Variants in FNBP4 observed in about 807,000 individuals in gnomAD.
FNBP4 encodes the protein formin binding protein 4, also known as formin-binding protein 4.
FNBP4 carries 34 observed loss-of-function variants against 119.3 expected under a neutral mutation model. The ratio of observed to expected loss-of-function variants is 0.28; its 90% CI spans 0.22 to 0.38. The LOEUF is 0.38. Among genes scored for constraint, FNBP4 ranks in the 10% least tolerant of loss-of-function variants. FNBP4 has a pLI of 1.00. For synonymous variants in FNBP4, 462 were observed against 430.6 expected (o/e 1.07, Z -0.90); for missense variants, 1,112 against 1,228.9 (o/e 0.90, Z 1.42).
chr11:47,730,050 C>T, intron 12 of FNBP4: 2 of 985,396 alleles, frequency 2.0e-6, no homozygotes, highest in Non-Finnish European at 2.4e-6. Context: ...CAGCTTAATA[C>T]TCATCTAAAG....
At position 47,732,548 on chromosome 11, in the gene FNBP4, G is replaced by A; in HGVS notation, c.1809C>T (p.Cys603=). Residue 603 remains cysteine, a synonymous_variant, in exon 11 of 17, where the codon TGC becomes TGT. Coordinates refer to ENST00000263773, the MANE Select transcript of FNBP4 (RefSeq NM_015308.5). This position sits in a 1 kb window ranked among gnomAD's most constrained non-coding sequence, Gnocchi z 4.2. The part of the protein sequence containing the change: ...EINATPKGWS[C]HWDRDHRRYF... ...AGAAGAGTGCGTACCTGTCCCAGTG[G>A]CAGGACCAGCCTTTAGGAGTGGCGT... The A allele has an allele frequency of 6.2e-7, 1 of 1,614,178 alleles. No individual in the cohort carries two copies. Among genetic ancestry groups the A allele is most frequent in the Non-Finnish European group, 8.5e-7 (1 of 1,180,034 alleles).
chr11:47,763,370 C>T (rs1002124446), intron 2 of FNBP4, among the ~76,000 whole-genome samples: 3 of 149,076 alleles, frequency 2.0e-5, no homozygotes, highest in East Asian at 2.0e-4. Context: ...CACTTCAACC[C>T]GGGAGGCAGA....
intron 2 of FNBP4, among the ~76,000 whole-genome samples, chr11:47,758,891 G>T (rs561932317): frequency 6.3e-4 from 95 of 151,530 alleles, no homozygotes; most frequent in African/African-American, 2.1e-3. Context: ...AGAGAAATTT[G>T]CAAGGACGTT....
chr11:47,750,643 C>T (rs2097600514), intron 6 of FNBP4, among the ~76,000 whole-genome samples: 2 of 116,162 alleles, frequency 1.7e-5, no homozygotes, highest in African/African-American at 3.4e-5. Context: ...CAGCTGAGAT[C>T]GCACCACTGT....
In FNBP4 at chr11:47,745,676, T is replaced by G. The variant is rs148488475; in HGVS notation, c.1245+380A>C. Among the ~76,000 whole-genome samples, 1,323 of 152,234 alleles carry G rather than the reference T, an allele frequency of 8.7e-3. 27 individuals carry two copies. Among genetic ancestry groups the G allele is most frequent in the African/African-American group, 0.03 (1,233 of 41,538 alleles). On this transcript the variant is annotated intron_variant, in intron 7 of 16. Transcript: ENST00000263773. The stretch of plus-strand genomic sequence containing the variant: ...TACACCTCCTCCCCTTTTGAAACCC[T>G]TAATAAAAAACTTGCTGGTTTGAGG...
intron 4 of FNBP4, among the ~76,000 whole-genome samples, chr11:47,752,075 T>A (rs376414029): frequency 1.6e-4 from 24 of 152,222 alleles, no homozygotes; most frequent in African/African-American, 5.8e-4. Flanking sequence ...AAAAATTACA[T>A]CCTACTAGTT....
At chr11:47,743,155 G>A (rs2097584690) in intron 8 of FNBP4, among the ~76,000 whole-genome samples, 1 of 152,062 alleles carries the variant, frequency 6.6e-6, no homozygotes, top group Non-Finnish European at 1.5e-5. Context: ...ACTCAACTAA[G>A]GTTTGGCGTC....
intron 12 of FNBP4, chr11:47,730,167 C>A (rs1599173893): frequency 1.0e-6 from 1 of 985,304 alleles, no homozygotes; most frequent in African/African-American, 1.7e-5. Flanking sequence ...GAACTACGAT[C>A]AAGCCTCTTC....
At chr11:47,743,703 G>T in intron 8 of FNBP4, 1 of 491,084 alleles carries the variant, frequency 2.0e-6, no homozygotes, top group Non-Finnish European at 3.7e-6. Flanking sequence ...AACGTAGACA[G>T]AGAGAAGAAA....
At chr11:47,752,373 C>T (rs548211099) in intron 4 of FNBP4, among the ~76,000 whole-genome samples, 10 of 149,850 alleles carry the variant, frequency 6.7e-5, no homozygotes, top group African/African-American at 2.2e-4. Flanking sequence ...TGCAGTGAGC[C>T]GAGATCGCAT....
intron 2 of FNBP4, among the ~76,000 whole-genome samples, chr11:47,760,426 G>C (rs2097631356): frequency 6.9e-6 from 1 of 144,174 alleles, no homozygotes; most frequent in Non-Finnish European, 1.5e-5. Context: ...TGTAATTTTT[G>C]TATTTTTTTG....
rs2097568139 is a variant in FNBP4, at chr11:47,732,114, G to A, written c.1820+423C>T. On this transcript the variant is annotated intron_variant, in intron 11 of 16. Transcript: ENST00000263773. The surrounding 1 kb of genome is among the most constrained non-coding windows in gnomAD (Gnocchi z 4.2). ...AATATATAAAGAAATGTTTTCATCT[G>A]ACCTGCTGGCAGAGGATAGTAATCT... is the stretch of plus-strand genomic sequence containing the variant. 2.0e-6 allele frequency: 2 copies of A among 998,396 alleles called. No individual in the cohort carries two copies. The highest frequency in any genetic ancestry group is 2.4e-6 in the Non-Finnish European group (2 of 838,712). The allele number at this position is 998,396 out of a possible 1,614,324, so 61.8% of individuals were successfully genotyped here.
chr11:47,740,633 G>A (rs200605437), intron 8 of FNBP4, among the ~76,000 whole-genome samples: 7 of 150,664 alleles, frequency 4.6e-5, no homozygotes, highest in East Asian at 1.9e-4. Context: ...TCACTCTGTC[G>A]CTTAGGCTGA....
chr11:47,740,189 C>T (rs183252281), intron 8 of FNBP4, among the ~76,000 whole-genome samples: 11 of 151,914 alleles, frequency 7.2e-5, no homozygotes, highest in East Asian at 2.0e-4. Flanking sequence ...CAGAGACGGG[C>T]GGATCACCTG....
chr11:47,759,064 C>T (rs1321849925), intron 2 of FNBP4, among the ~76,000 whole-genome samples: 1 of 151,326 alleles, frequency 6.6e-6, no homozygotes, highest in Non-Finnish European at 1.5e-5. Flanking sequence ...GATTAACAGG[C>T]GCACGCCACC....
intron 13 of FNBP4, 128 bp from the exon 14 acceptor site, chr11:47,724,300 G>A: frequency 6.6e-7 from 1 of 1,508,866 alleles, no homozygotes; most frequent in Non-Finnish European, 9.0e-7. Context: ...ATGACTCATT[G>A]CAGCCTCCTG....
At chr11:47,723,923 T>C (rs2097558361) in intron 14 of FNBP4, 105 bp downstream of exon 14, 1 of 1,067,542 alleles carries the variant, frequency 9.4e-7, no homozygotes, top group East Asian at 2.5e-5. Flanking sequence ...ACTGACAGTC[T>C]TTGCAATCAA....
intron 15 of FNBP4, among the ~76,000 whole-genome samples, chr11:47,722,066 A>C (rs1599156903): frequency 1.0e-5 from 1 of 96,506 alleles, no homozygotes; most frequent in Non-Finnish European, 2.1e-5. Flanking sequence ...AAAAAAAAAT[A>C]TTTCTCATAG....
rs1458663478 is a variant in FNBP4, at chr11:47,744,102, T to C, written c.1307A>G (p.Asp436Gly). 2 of 1,614,010 alleles carry C rather than the reference T, an allele frequency of 1.2e-6. No individual in the cohort carries two copies. Among genetic ancestry groups the C allele is most frequent in the African/African-American group, 1.3e-5 (1 of 74,910 alleles). Residue 436 changes from aspartate (D) to glycine (G), a missense_variant, in exon 8 of 17, where the codon GAT (aspartate) becomes GGT (glycine). Asp to Gly is a moderately conservative substitution (Grantham distance 94, BLOSUM62 -1). Transcript: ENST00000263773. Reference sequence around the variant, plus strand: ...ATCTTGAGATGCTGGCTGGCTGATATCAGAACGTGGACTAGACCCTGACAC... The same window carrying C: ...ATCTTGAGATGCTGGCTGGCTGATACCAGAACGTGGACTAGACCCTGACAC... ...GSVSGSSPRS[D>G]ISQPASQDGM...
Sources: gnomAD v4.1 joint callset for allele counts (sites outside exome capture counted in the v4.1 genomes callset) on GRCh38, gnomAD v4.1.1 for gene constraint, Gnocchi (gnomAD v3.1) non-coding constraint, MANE v1.5 for transcripts, NCBI Gene and HGNC (gene_info 2026-07-23, HGNC 2026-07-21) for gene names.